Variants in SSBP3 observed in about 807,000 individuals in gnomAD.
SSBP3 encodes the protein single stranded DNA binding protein 3, also known as single-stranded DNA-binding protein 3.
In SSBP3, 5 loss-of-function variants were observed where a neutral mutation model predicts 69.6. That is an observed-to-expected ratio of 0.07 (90% confidence interval 0.04 to 0.15). SSBP3 has a LOEUF of 0.15. Ranked by LOEUF, SSBP3 falls within the 10% of genes least tolerant of loss-of-function variation. The probability of loss-of-function intolerance (pLI) is 1.00; values close to 1 mark genes in which losing one functional copy is unlikely to be tolerated. For missense variants in SSBP3, 312 were observed against 534.0 expected (o/e 0.58, Z 4.10); for synonymous variants, 196 against 193.4 (o/e 1.01, Z -0.11).
At chr1:54,248,723 C>G (rs1299859253) in intron 9 of SSBP3, among the ~76,000 whole-genome samples, 2 of 152,214 alleles carry the variant, frequency 1.3e-5, no homozygotes, top group Non-Finnish European at 2.9e-5. Flanking sequence ...AGTGCTACAT[C>G]AATGCCAGGC....
chr1:54,306,274 T>C (rs111650632), intron 4 of SSBP3, among the ~76,000 whole-genome samples: 18 of 152,296 alleles, frequency 1.2e-4, no homozygotes, highest in African/African-American at 4.3e-4. Context: ...AGGAATATGA[T>C]AACGCACAGC....
intron 3 of SSBP3, among the ~76,000 whole-genome samples, chr1:54,403,815 C>G (rs1426030800): frequency 1.3e-5 from 2 of 152,192 alleles, no homozygotes; most frequent in Non-Finnish European, 2.9e-5. Context: ...ATACCTAGGG[C>G]AACTGGCTCC....
intron 4 of SSBP3, among the ~76,000 whole-genome samples, chr1:54,297,203 C>A (rs1645718079): frequency 1.3e-5 from 2 of 152,178 alleles, no homozygotes; most frequent in African/African-American, 4.8e-5. Context: ...TGAATCAGGT[C>A]CTTTGGGTCT....
chr1:54,351,008 G>A (rs1396514530), intron 4 of SSBP3, among the ~76,000 whole-genome samples: 1 of 152,062 alleles, frequency 6.6e-6, no homozygotes, highest in Non-Finnish European at 1.5e-5. Flanking sequence ...TGTATTTTTT[G>A]TAGAGATGGG....
chr1:54,394,194 T>C (rs952235751), intron 4 of SSBP3, among the ~76,000 whole-genome samples: 1 of 152,242 alleles, frequency 6.6e-6, no homozygotes, highest in Non-Finnish European at 1.5e-5. Context: ...TGATTAGGCT[T>C]GCAGGCAGGT....
intron 4 of SSBP3, among the ~76,000 whole-genome samples, chr1:54,298,863 T>C (rs1384020413): frequency 1.3e-5 from 2 of 151,892 alleles, no homozygotes; most frequent in South Asian, 2.1e-4. Flanking sequence ...TTTATCTAAA[T>C]ATATCCCAAG....
chr1:54,302,079 G>A (rs1416878488), intron 4 of SSBP3, among the ~76,000 whole-genome samples: 1 of 152,194 alleles, frequency 6.6e-6, no homozygotes, highest in East Asian at 1.9e-4. Context: ...ATTCTTTCCA[G>A]CCTGGTGCCT....
chr1:54,385,515 G>A (rs1199855887), intron 4 of SSBP3, among the ~76,000 whole-genome samples: 1 of 151,996 alleles, frequency 6.6e-6, no homozygotes, highest in Non-Finnish European at 1.5e-5. Flanking sequence ...CCTCTTATGG[G>A]TTTCTTTAAC....
intron 4 of SSBP3, among the ~76,000 whole-genome samples, chr1:54,381,275 C>A (rs1647615018): frequency 6.7e-6 from 1 of 149,288 alleles, no homozygotes; most frequent in Non-Finnish European, 1.5e-5. Context: ...CCCAGCTACT[C>A]AGGAGGCTGA....
At chr1:54,265,501 C>T (rs924958120) in intron 5 of SSBP3, among the ~76,000 whole-genome samples, 2 of 152,134 alleles carry the variant, frequency 1.3e-5, no homozygotes, top group Non-Finnish European at 2.9e-5. Context: ...AATAACTGCC[C>T]GGGCTTCTGC....
At chr1:54,402,969 C>T (rs1649415779) in intron 3 of SSBP3, among the ~76,000 whole-genome samples, 1 of 152,192 alleles carries the variant, frequency 6.6e-6, no homozygotes, top group East Asian at 1.9e-4. Context: ...CTCTTGTCCT[C>T]GTCACAAACA....
At chr1:54,276,851 C>T (rs758144393) in intron 5 of SSBP3, among the ~76,000 whole-genome samples, 10 of 152,096 alleles carry the variant, frequency 6.6e-5, no homozygotes, top group African/African-American at 1.2e-4. Context: ...CCTCATCTCC[C>T]GCTGAGCACC....
intron 4 of SSBP3, among the ~76,000 whole-genome samples, chr1:54,370,718 A>G (rs1166988956): frequency 6.6e-6 from 1 of 152,130 alleles, no homozygotes; most frequent in East Asian, 1.9e-4. Context: ...GGGGATTATT[A>G]TATGTAAGGG....
chr1:54,410,666 C>T (rs1193792284), upstream of SSBP3, among the ~76,000 whole-genome samples: 1 of 152,214 alleles, frequency 6.6e-6, no homozygotes, highest in African/African-American at 2.4e-5. Flanking sequence ...AAATCCAACA[C>T]GCAAAGACCT....
At chr1:54,262,718 C>T (rs968096869) in intron 5 of SSBP3, among the ~76,000 whole-genome samples, 1 of 152,214 alleles carries the variant, frequency 6.6e-6, no homozygotes, top group African/African-American at 2.4e-5. Flanking sequence ...GCCTGGTACC[C>T]CCATGAGCCA....
At chr1:54,241,838 G>A (rs1166130936) in intron 11 of SSBP3, among the ~76,000 whole-genome samples, 2 of 152,222 alleles carry the variant, frequency 1.3e-5, no homozygotes, top group African/African-American at 2.4e-5. Flanking sequence ...CTGTCTGTGT[G>A]GAGCACCTTA....
chr1:54,394,051 C>T (rs933899334), intron 4 of SSBP3, among the ~76,000 whole-genome samples: 4 of 152,178 alleles, frequency 2.6e-5, no homozygotes, highest in Non-Finnish European at 4.4e-5. Context: ...TTAGCCACTG[C>T]GCCCGGCCTG....
intron 9 of SSBP3, among the ~76,000 whole-genome samples, chr1:54,245,383 A>AT (rs1411478849): frequency 6.6e-6 from 1 of 152,176 alleles, no homozygotes; most frequent in African/African-American, 2.4e-5. Context: ...GGCCCCCCAG[A>AT]TTCTGTATGC....
chr1:54,257,987 G>A, intron 6 of SSBP3, 82 bp downstream of exon 6: 1 of 1,375,900 alleles, frequency 7.3e-7, no homozygotes, highest in Non-Finnish European at 9.9e-7. Flanking sequence ...AGCACATTTT[G>A]ATTTTTGTTT....
Sources: allele counts gnomAD v4.1 joint callset (sites outside exome capture counted in the v4.1 genomes callset), GRCh38; gene constraint gnomAD v4.1.1; transcripts MANE v1.5; gene names NCBI Gene and HGNC (gene_info 2026-07-23, HGNC 2026-07-21).